The following PEAK1 variants were observed in gnomAD, a reference collection of about 807,000 sequenced individuals.
The protein encoded by PEAK1 is inactive tyrosine-protein kinase PEAK1.
In PEAK1, 54 loss-of-function variants were observed where a neutral mutation model predicts 124.7. That is an observed-to-expected ratio of 0.43 (90% CI 0.35 to 0.54). PEAK1 has a LOEUF of 0.54. Ranked by LOEUF, PEAK1 falls within the 20% of genes least tolerant of loss-of-function variation. The pLI, the probability that PEAK1 is intolerant of heterozygous loss-of-function variation, is 0.01. For synonymous variants in PEAK1, 719 were observed against 760.0 expected, an observed-to-expected ratio of 0.95 and a Z score of 0.89; for missense variants, 2,046 against 2,134.5, an observed-to-expected ratio of 0.96 and a Z score of 0.82.
chr15:77,350,849 A>C, intron 2 of PEAK1: 2 of 983,444 alleles, frequency 2.0e-6, no homozygotes, highest in Non-Finnish European at 1.2e-6. Context: ...AAACATAATC[A>C]ATTACTGGAG....
intron 6 of PEAK1, among the ~76,000 whole-genome samples, chr15:77,189,210 A>T (rs184065268): frequency 3.3e-5 from 5 of 152,288 alleles, no homozygotes; most frequent in Admixed American, 6.5e-5. Flanking sequence ...CAAAAAAACA[A>T]AACAAAACAA....
At position 77,258,093 on chromosome 15, in the gene PEAK1, A is replaced by G. The variant is rs139119514; in HGVS notation, c.-274-5567T>C. ...TTCTGTTCCATTGATCTATATCTCT[A>G]TTTTGGTAACAGTACCATGCTGTTT... On this transcript the variant is annotated intron_variant, in intron 5 of 9. Transcript: ENST00000682557. Among the ~76,000 whole-genome samples the G allele has an allele frequency of 4.4e-3, 667 of 152,102 alleles. 6 individuals carry two copies. The highest frequency in any genetic ancestry group is 0.015 in the African/African-American group (626 of 41,518).
chr15:77,146,429 C>T (rs1468462094), intron 8 of PEAK1, among the ~76,000 whole-genome samples: 3 of 152,186 alleles, frequency 2.0e-5, no homozygotes, highest in Non-Finnish European at 2.9e-5. Flanking sequence ...AGTCGTATAG[C>T]AGCTGGCTGA....
intron 5 of PEAK1, among the ~76,000 whole-genome samples, chr15:77,256,972 C>A (rs187877593): frequency 6.8e-6 from 1 of 147,960 alleles, no homozygotes; most frequent in African/African-American, 2.5e-5. Context: ...TGAGAACATG[C>A]GGTGTTTGGT....
chr15:77,172,843 C>A (rs958763865), intron 7 of PEAK1, among the ~76,000 whole-genome samples: 4 of 152,130 alleles, frequency 2.6e-5, no homozygotes, highest in Non-Finnish European at 4.4e-5. Flanking sequence ...GCCTTGACCT[C>A]CTGGGCTCAA....
At chr15:77,185,694 G>C (rs911474779) in intron 6 of PEAK1, among the ~76,000 whole-genome samples, 1 of 152,172 alleles carries the variant, frequency 6.6e-6, no homozygotes, top group Non-Finnish European at 1.5e-5. Context: ...AGGCAGGAAG[G>C]AGAAGCAAGA....
At chr15:77,402,301 C>G in intron 1 of PEAK1, 1 of 985,062 alleles carries the variant, frequency 1.0e-6, no homozygotes, top group Non-Finnish European at 1.2e-6. Context: ...AAATGCATAT[C>G]TAGACATCGG....
intron 2 of PEAK1, among the ~76,000 whole-genome samples, chr15:77,339,115 C>CTTT (rs398057842): frequency 7.2e-6 from 1 of 139,394 alleles, no homozygotes; most frequent in African/African-American, 2.6e-5. Flanking sequence ...AATGTTAAGA[C>CTTT]TTTTTTTTTT....
intron 6 of PEAK1, among the ~76,000 whole-genome samples, chr15:77,193,248 C>G (rs964984763): frequency 5.9e-5 from 9 of 152,192 alleles, no homozygotes; most frequent in Admixed American, 3.9e-4. Flanking sequence ...ATTCAGGATA[C>G]AGCTGAAAAC....
intron 1 of PEAK1, among the ~76,000 whole-genome samples, chr15:77,375,830 C>G (rs560197697): frequency 3.3e-5 from 5 of 151,966 alleles, no homozygotes; most frequent in African/African-American, 1.2e-4. Context: ...CCTGTCTCTA[C>G]TAAAAAAAAC....
chr15:77,337,019 A>G, intron 2 of PEAK1: 3 of 656,478 alleles, frequency 4.6e-6, no homozygotes, highest in Non-Finnish European at 5.7e-6. Flanking sequence ...AAAGACATAA[A>G]TTAACTAGAT....
intron 2 of PEAK1, among the ~76,000 whole-genome samples, chr15:77,318,170 T>TAC (rs10635105): frequency 0.24 from 36,386 of 151,036 alleles, 4,490 homozygotes; most frequent in Middle Eastern, 0.3. Context: ...CATGCATGCA[T>TAC]ACACACACAC....
chr15:77,193,135 ATGAAGT>A, intron 6 of PEAK1, among the ~76,000 whole-genome samples: 1 of 152,358 alleles, frequency 6.6e-6, no homozygotes, highest in East Asian at 1.9e-4. Flanking sequence ...CAAGAGACAA[ATGAAGT>A]TGGAGTCAGA....
At chr15:77,250,117 AT>A (rs201838110) in intron 6 of PEAK1, among the ~76,000 whole-genome samples, 7 of 146,748 alleles carry the variant, frequency 4.8e-5, no homozygotes, top group Admixed American at 6.9e-5. Context: ...ACAATTAGAG[AT>A]TTTTTTTTAA....
chr15:77,138,774 A>T (rs2053539907), intron 8 of PEAK1, among the ~76,000 whole-genome samples: 1 of 151,768 alleles, frequency 6.6e-6, no homozygotes, highest in Admixed American at 6.6e-5. Flanking sequence ...ACGTAGGAGA[A>T]TCATTTGAAC....
chr15:77,143,344 CA>C (rs1259187282), intron 8 of PEAK1, among the ~76,000 whole-genome samples: 2 of 152,164 alleles, frequency 1.3e-5, no homozygotes, highest in African/African-American at 4.8e-5. Context: ...ACAACTGTGA[CA>C]GTCTCCTATT....
At chr15:77,218,245 T>A (rs767466127) in intron 6 of PEAK1, among the ~76,000 whole-genome samples, 1 of 152,144 alleles carries the variant, frequency 6.6e-6, no homozygotes, top group South Asian at 2.1e-4. Flanking sequence ...ATCTGTAGAT[T>A]TTTTTGGTAG....
intron 6 of PEAK1, among the ~76,000 whole-genome samples, chr15:77,213,110 A>G (rs1228718933): frequency 2.0e-5 from 3 of 152,230 alleles, no homozygotes; most frequent in Non-Finnish European, 4.4e-5. Context: ...AAAGACTGAA[A>G]TCCAATTAAC....
At position 77,180,490 on chromosome 15, in the gene PEAK1, A is replaced by G. The variant is rs1369058618; in HGVS notation, c.1437T>C (p.Asp479=). ...GCTCACTGGCCATGGCTGCTGACAC[A>G]TCCACGACAGTATATGGCTTGCACA... The part of the protein sequence containing the change: ...QPLCKPYTVV[D]VSAAMASEHL... The change falls in exon 7 of 10, where the codon GAT becomes GAC. Residue 479 remains aspartate (D), a synonymous_variant. Transcript: ENST00000682557. 1.9e-6 allele frequency: 3 copies of G among 1,614,110 alleles called. No homozygotes were observed. In the East Asian group the frequency reaches 6.7e-5, roughly 36 times the overall value.
Sources: gnomAD v4.1 joint callset for allele counts (sites outside exome capture counted in the v4.1 genomes callset) on GRCh38, gnomAD v4.1.1 for gene constraint, MANE v1.5 for transcripts, NCBI Gene and HGNC (gene_info 2026-07-23, HGNC 2026-07-21) for gene names.